The following ATRNL1 variants were observed in gnomAD, a reference collection of about 807,000 sequenced individuals.
ATRNL1 encodes the protein attractin like 1.
Under a neutral mutation model 182.7 loss-of-function variants are expected in ATRNL1, and 95 were observed. The observed-to-expected ratio is 0.52, with a 90% CI of 0.44 to 0.62. ATRNL1 has a LOEUF of 0.62. Among genes scored for constraint, ATRNL1 ranks in the 20% least tolerant of loss-of-function variants. The pLI, the probability that ATRNL1 is intolerant of heterozygous loss-of-function variation, is 0.00. For missense variants in ATRNL1, 1,471 were observed against 1,679.5 expected (o/e 0.88, Z 2.17); for synonymous variants, 576 against 568.3 (o/e 1.01, Z -0.19).
intron 24 of ATRNL1, among the ~76,000 whole-genome samples, chr10:115,499,056 TTTGA>T (rs1453428176): frequency 2.6e-5 from 4 of 152,250 alleles, no homozygotes; most frequent in African/African-American, 9.6e-5. Flanking sequence ...ATTATGAATC[TTTGA>T]TTTGTGAATT....
At chr10:115,508,583 C>A (rs1850231469) in intron 24 of ATRNL1, among the ~76,000 whole-genome samples, 1 of 151,908 alleles carries the variant, frequency 6.6e-6, no homozygotes, top group South Asian at 2.1e-4. Flanking sequence ...AATGAAATAG[C>A]CTTTTTAATG....
chr10:115,629,380 A>G (rs1183057277), intron 26 of ATRNL1, among the ~76,000 whole-genome samples: 18 of 152,040 alleles, frequency 1.2e-4, no homozygotes, highest in African/African-American at 2.7e-4. Context: ...ACCAATGTCT[A>G]TTCTACTCCA....
At chr10:115,509,911 T>C (rs1554982240) in intron 24 of ATRNL1, among the ~76,000 whole-genome samples, 2 of 152,024 alleles carry the variant, frequency 1.3e-5, no homozygotes, top group Admixed American at 6.6e-5. Flanking sequence ...TTGATAACAT[T>C]CATGATTCAT....
intron 19 of ATRNL1, among the ~76,000 whole-genome samples, chr10:115,370,173 G>C (rs1203556481): frequency 6.6e-6 from 1 of 152,210 alleles, no homozygotes; most frequent in Non-Finnish European, 1.5e-5. Context: ...ATGTGGAACT[G>C]TAAGTCCATT....
chr10:115,453,471 G>C (rs1012672491), intron 21 of ATRNL1, among the ~76,000 whole-genome samples: 1 of 151,842 alleles, frequency 6.6e-6, no homozygotes, highest in African/African-American at 2.4e-5. Context: ...CTCTCATTTT[G>C]TACCATTTTC....
intron 27 of ATRNL1, among the ~76,000 whole-genome samples, chr10:115,804,437 T>A (rs1449432484): frequency 2.0e-5 from 3 of 152,116 alleles, no homozygotes; most frequent in Non-Finnish European, 2.9e-5. Context: ...TTAGTGCCCT[T>A]ACTAATAGAG....
chr10:115,763,310 A>G (rs1488146819), intron 27 of ATRNL1, among the ~76,000 whole-genome samples: 1 of 152,232 alleles, frequency 6.6e-6, no homozygotes, highest in Non-Finnish European at 1.5e-5. Flanking sequence ...CACATAATCT[A>G]CTAAGGGAGA....
chr10:115,743,306 CCA>C (rs1483427267), intron 27 of ATRNL1, among the ~76,000 whole-genome samples: 6 of 150,978 alleles, frequency 4.0e-5, no homozygotes, highest in Non-Finnish European at 7.4e-5. Context: ...TCTGATACTA[CCA>C]TTCCTATCCA....
At chr10:115,469,034 T>C (rs1456982102) in intron 23 of ATRNL1, 138 bp from the exon 24 acceptor site, 3 of 343,940 alleles carry the variant, frequency 8.7e-6, no homozygotes, top group Non-Finnish European at 1.5e-5. Flanking sequence ...GGCAAACTTA[T>C]TTTCCTTCAT....
chr10:115,519,915 A>T (rs953805545), intron 25 of ATRNL1, among the ~76,000 whole-genome samples: 5 of 152,198 alleles, frequency 3.3e-5, no homozygotes, highest in Admixed American at 6.6e-5. Flanking sequence ...GTTTTCAGGG[A>T]ACATTTATTT....
chr10:115,948,790 A>G lies in ATRNL1; in HGVS notation c.*4011A>G, dbSNP rs1168964746. The G allele has an allele frequency of 1.3e-5, 2 of 152,224 alleles. No homozygotes were observed. The highest frequency in any genetic ancestry group is 4.8e-5 in the African/African-American group (2 of 41,452). The allele number at this position is 152,224 out of a possible 1,614,324, so 9.4% of individuals were successfully genotyped here. ...GTGATTTCATTAGAGTGTACATTTA[A>G]CATTTTAGTTTTATCAAAATTTTTT... On this transcript the variant is annotated 3_prime_UTR_variant, in exon 29 of 29. Coordinates refer to ENST00000355044, the MANE Select transcript of ATRNL1 (RefSeq NM_207303.4).
At chr10:115,817,357 A>G (rs373253956) in intron 27 of ATRNL1, among the ~76,000 whole-genome samples, 3 of 152,250 alleles carry the variant, frequency 2.0e-5, no homozygotes, top group South Asian at 2.1e-4. Context: ...CCCAGCATGC[A>G]TTTCATGAGG....
At chr10:115,532,008 AC>A (rs1403478579) in intron 25 of ATRNL1, among the ~76,000 whole-genome samples, 1 of 150,590 alleles carries the variant, frequency 6.6e-6, no homozygotes, top group Non-Finnish European at 1.5e-5. Context: ...TGGTACCAGT[AC>A]CATGCTGTTT....
intron 26 of ATRNL1, among the ~76,000 whole-genome samples, chr10:115,593,063 TGAGG>T (rs1464114561): frequency 1.3e-5 from 2 of 152,182 alleles, no homozygotes; most frequent in African/African-American, 4.8e-5. Flanking sequence ...AGTTCAAGGT[TGAGG>T]GGCATGCATC....
intron 25 of ATRNL1, among the ~76,000 whole-genome samples, chr10:115,529,139 G>C (rs1280428207): frequency 2.0e-5 from 3 of 151,692 alleles, no homozygotes; most frequent in Non-Finnish European, 4.4e-5. Flanking sequence ...GTGGTTTATT[G>C]CATTGCTCTA....
At chr10:115,940,298 A>G (rs1235622051) in intron 28 of ATRNL1, among the ~76,000 whole-genome samples, 4 of 152,208 alleles carry the variant, frequency 2.6e-5, no homozygotes, top group African/African-American at 9.6e-5. Context: ...GCTGTTTATT[A>G]ATCAAGTCCT....
chr10:115,175,967 A>T (rs1004862305), intron 8 of ATRNL1, among the ~76,000 whole-genome samples: 8 of 152,044 alleles, frequency 5.3e-5, no homozygotes, highest in Admixed American at 5.2e-4. Flanking sequence ...CCTCTCCAGC[A>T]CCTGTTGTTT....
At chr10:115,157,995 T>G (rs1413555770) in intron 5 of ATRNL1, among the ~76,000 whole-genome samples, 1 of 152,056 alleles carries the variant, frequency 6.6e-6, no homozygotes, top group African/African-American at 2.4e-5. Context: ...TCTGTGCCTT[T>G]GGGTGGTGGC....
intron 28 of ATRNL1, among the ~76,000 whole-genome samples, chr10:115,931,775 A>G (rs1555121682): frequency 6.6e-6 from 1 of 152,068 alleles, no homozygotes; most frequent in Non-Finnish European, 1.5e-5. Flanking sequence ...CCATCCCTTA[A>G]CCCATCACGT....
Sources: gnomAD v4.1 joint callset for allele counts (sites outside exome capture counted in the v4.1 genomes callset) on GRCh38, gnomAD v4.1.1 for gene constraint, MANE v1.5 for transcripts, NCBI Gene and HGNC (gene_info 2026-07-23, HGNC 2026-07-21) for gene names.